PKIB: variants seen among roughly 807,000 people sequenced by gnomAD.
The protein encoded by PKIB is cAMP-dependent protein kinase inhibitor beta.
In PKIB, 2 loss-of-function variants were observed where a neutral mutation model predicts 4.5. That is an observed-to-expected ratio of 0.44 (90% confidence interval 0.18 to 1.39). PKIB has a LOEUF of 1.39. PKIB is among the 40% of genes most tolerant of loss of function. The pLI, the probability that PKIB is intolerant of heterozygous loss-of-function variation, is 0.27. For synonymous variants in PKIB, 38 were observed against 36.0 expected (o/e 1.06, Z -0.20); for missense variants, 94 against 92.6 (o/e 1.02, Z -0.06).
At chr6:122,473,389 A>T (rs1202813281) in intron 1 of PKIB, among the ~76,000 whole-genome samples, 2 of 152,158 alleles carry the variant, frequency 1.3e-5, no homozygotes, top group Admixed American at 6.5e-5. Context: ...AGATATTCAT[A>T]AGTTCTTGCA....
chr6:122,568,518 G>C (rs1209056759), intron 2 of PKIB, among the ~76,000 whole-genome samples: 4 of 152,158 alleles, frequency 2.6e-5, no homozygotes, highest in Non-Finnish European at 5.9e-5. Context: ...TGAGGGAGTG[G>C]TGTGCAATAT....
At chr6:122,491,404 C>A (rs1775930767) in intron 2 of PKIB, among the ~76,000 whole-genome samples, 2 of 152,128 alleles carry the variant, frequency 1.3e-5, no homozygotes, top group African/African-American at 4.8e-5. Context: ...TTTTGGGAAT[C>A]ATCTATTATT....
At chr6:122,719,903 A>G (rs1166785646) in intron 4 of PKIB, among the ~76,000 whole-genome samples, 1 of 152,222 alleles carries the variant, frequency 6.6e-6, no homozygotes, top group Non-Finnish European at 1.5e-5. Context: ...ATTAAAGAGT[A>G]GAAAAAATAC....
At chr6:122,485,055 C>T (rs1188416139) in intron 2 of PKIB, among the ~76,000 whole-genome samples, 1 of 152,016 alleles carries the variant, frequency 6.6e-6, no homozygotes, top group African/African-American at 2.4e-5. Flanking sequence ...CTTCACTTCC[C>T]TTTTTTTGGC....
At chr6:122,552,014 A>T (rs1218544293) in intron 2 of PKIB, among the ~76,000 whole-genome samples, 1 of 149,776 alleles carries the variant, frequency 6.7e-6, no homozygotes. Context: ...TCTCGATGTC[A>T]TGTTGGTTCT....
intron 2 of PKIB, among the ~76,000 whole-genome samples, chr6:122,511,249 TTC>T (rs1483855003): frequency 2.0e-5 from 3 of 152,310 alleles, no homozygotes; most frequent in South Asian, 2.1e-4. Flanking sequence ...AATTTCACAG[TTC>T]TCTGTTTTTG....
At chr6:122,721,028 T>G (rs1196557779) in intron 4 of PKIB, among the ~76,000 whole-genome samples, 1 of 152,130 alleles carries the variant, frequency 6.6e-6, no homozygotes, top group Non-Finnish European at 1.5e-5. Flanking sequence ...AAAACATATT[T>G]TATATGATTG....
At chr6:122,481,253 T>C (rs1314882605) in intron 2 of PKIB, 1 of 152,096 alleles carries the variant, frequency 6.6e-6, no homozygotes, top group Non-Finnish European at 1.5e-5. Context: ...CATGAAGAAA[T>C]ATCAGACAAA....
chr6:122,591,231 A>C (rs1003590198), intron 3 of PKIB, among the ~76,000 whole-genome samples: 1 of 151,220 alleles, frequency 6.6e-6, no homozygotes, highest in Admixed American at 6.6e-5. Flanking sequence ...CCCCACATAC[A>C]CACACGTTTT....
At chr6:122,701,425 T>A in intron 3 of PKIB, 1 of 1,560,772 alleles carries the variant, frequency 6.4e-7, no homozygotes, top group Non-Finnish European at 8.7e-7. Context: ...CACTGTTTTC[T>A]CATTGCATTT....
chr6:122,645,672 A>G (rs769596334), intron 2 of PKIB, among the ~76,000 whole-genome samples: 2 of 152,234 alleles, frequency 1.3e-5, no homozygotes, highest in Non-Finnish European at 2.9e-5. Context: ...ACAGAGGCCA[A>G]TCTTGGAGGG....
chr6:122,611,213 T>A lies in PKIB; in HGVS notation c.-161+678T>A, dbSNP rs117080592. On this transcript the variant is annotated intron_variant, in intron 1 of 4. Transcript: ENST00000368452. Reference sequence around the variant, plus strand: ...CCTGTGTTCCGGTTGGTGCTGATGCTAGCCCCTTGGGGAAATTCCTGAAGG... The same window carrying A: ...CCTGTGTTCCGGTTGGTGCTGATGCAAGCCCCTTGGGGAAATTCCTGAAGG... 3.3e-5 allele frequency among the ~76,000 whole-genome samples: 5 copies of A among 152,334 alleles called. No homozygotes were observed. In the South Asian group the frequency reaches 8.3e-4, roughly 25 times the overall value.
At chr6:122,565,847 G>A (rs1773174626) in intron 2 of PKIB, among the ~76,000 whole-genome samples, 1 of 152,304 alleles carries the variant, frequency 6.6e-6, no homozygotes, top group South Asian at 2.1e-4. Flanking sequence ...AAAAGGCCAA[G>A]GGTAGCCTGA....
chr6:122,655,076 C>A (rs1237283882), intron 2 of PKIB, among the ~76,000 whole-genome samples: 2 of 152,074 alleles, frequency 1.3e-5, no homozygotes, highest in Non-Finnish European at 2.9e-5. Flanking sequence ...CAACCTCCAC[C>A]CCCAGGGTTC....
chr6:122,554,048 A>T (rs906933709), intron 2 of PKIB, among the ~76,000 whole-genome samples: 9 of 152,344 alleles, frequency 5.9e-5, no homozygotes, highest in African/African-American at 2.2e-4. Flanking sequence ...ACAGCTGAGA[A>T]TTTATAGTTC....
At chr6:122,626,051 A>G (rs898341135) in intron 1 of PKIB, among the ~76,000 whole-genome samples, 7 of 151,264 alleles carry the variant, frequency 4.6e-5, no homozygotes, top group Admixed American at 4.6e-4. Flanking sequence ...CCTGGGTGAC[A>G]GAGAGAGATC....
intron 2 of PKIB, among the ~76,000 whole-genome samples, chr6:122,511,623 T>C (rs2114581771): frequency 6.6e-6 from 1 of 152,264 alleles, no homozygotes; most frequent in Admixed American, 6.5e-5. Flanking sequence ...CAAGAGTTCT[T>C]TAAAATGGGA....
chr6:122,576,875 T>C (rs1378516301), intron 2 of PKIB, among the ~76,000 whole-genome samples: 1 of 151,552 alleles, frequency 6.6e-6, no homozygotes, highest in African/African-American at 2.4e-5. Context: ...ATTAAACAAA[T>C]TGAAAACTAT....
chr6:122,707,836 G>A (rs1013118529), intron 3 of PKIB, among the ~76,000 whole-genome samples: 3 of 152,138 alleles, frequency 2.0e-5, no homozygotes. Context: ...GGCAGGTTAT[G>A]CACCAGAATT....
Sources: allele counts gnomAD v4.1 joint callset (sites outside exome capture counted in the v4.1 genomes callset), GRCh38; gene constraint gnomAD v4.1.1; transcripts MANE v1.5; gene names NCBI Gene and HGNC (gene_info 2026-07-23, HGNC 2026-07-21).